The following ADGRL3 variants were observed in gnomAD, a reference collection of about 807,000 sequenced individuals.
ADGRL3 encodes the protein calcium-independent alpha-latrotoxin receptor 3.
A neutral mutation model predicts 153.5 loss-of-function variants in ADGRL3; 62 were observed. That is an observed-to-expected ratio of 0.40 (90% confidence interval 0.33 to 0.50). The LOEUF is 0.50. Ranked by LOEUF, ADGRL3 falls within the 20% of genes least tolerant of loss-of-function variation. The probability of loss-of-function intolerance (pLI) is 0.47; values close to 1 mark genes in which losing one functional copy is unlikely to be tolerated. For synonymous variants in ADGRL3, 710 were observed against 672.5 expected (o/e 1.06, Z -0.86); for missense variants, 1,641 against 1,859.4 (o/e 0.88, Z 2.16).
At chr4:61,412,323 A>G (rs1033901523) in intron 2 of ADGRL3, among the ~76,000 whole-genome samples, 7 of 152,124 alleles carry the variant, frequency 4.6e-5, no homozygotes, top group African/African-American at 1.7e-4. Context: ...CCTGAGCTCA[A>G]GCAATCCTAT....
At chr4:61,496,953 A>T (rs2098326598) in intron 2 of ADGRL3, among the ~76,000 whole-genome samples, 168 bp from the exon 3 acceptor site, 1 of 152,244 alleles carries the variant, frequency 6.6e-6, no homozygotes, top group East Asian at 1.9e-4. Flanking sequence ...AAAAAAAAAA[A>T]AAATCAGTAT....
intron 2 of ADGRL3, among the ~76,000 whole-genome samples, chr4:61,411,664 G>GA (rs2097089735): frequency 6.6e-6 from 1 of 151,298 alleles, no homozygotes; most frequent in Non-Finnish European, 1.5e-5. Flanking sequence ...TCTTTTGTCA[G>GA]AAAAATTACC....
At chr4:61,522,103 G>T (rs1013243328) in intron 4 of ADGRL3, among the ~76,000 whole-genome samples, 1 of 152,228 alleles carries the variant, frequency 6.6e-6, no homozygotes, top group Non-Finnish European at 1.5e-5. Flanking sequence ...ATATAGTGGA[G>T]CCAAGATTGG....
chr4:61,745,522 T>G (rs1189159053), intron 8 of ADGRL3, among the ~76,000 whole-genome samples: 1 of 152,098 alleles, frequency 6.6e-6, no homozygotes, highest in Non-Finnish European at 1.5e-5. Flanking sequence ...CGGCAGAAAC[T>G]CTACAAGCCA....
intron 2 of ADGRL3, among the ~76,000 whole-genome samples, chr4:61,464,707 G>A (rs983765699): frequency 1.2e-4 from 18 of 152,082 alleles, no homozygotes; most frequent in African/African-American, 4.3e-4. Context: ...AACTGATATG[G>A]AAGATATTCT....
intron 6 of ADGRL3, among the ~76,000 whole-genome samples, chr4:61,690,195 A>G (rs2151111593): frequency 6.6e-6 from 1 of 152,274 alleles, no homozygotes; most frequent in South Asian, 2.1e-4. Context: ...CTATAATACC[A>G]GCACTTTGGA....
intron 1 of ADGRL3, among the ~76,000 whole-genome samples, chr4:61,214,791 A>C (rs557255962): frequency 9.2e-5 from 14 of 152,304 alleles, no homozygotes; most frequent in African/African-American, 3.4e-4. Flanking sequence ...TTAAAAAATT[A>C]AGCAGGCATT....
At chr4:61,281,633 C>T (rs1221129317) in intron 1 of ADGRL3, among the ~76,000 whole-genome samples, 2 of 152,014 alleles carry the variant, frequency 1.3e-5, no homozygotes, top group Admixed American at 1.3e-4. Flanking sequence ...TTCTAGATGC[C>T]TTATCGCCAT....
intron 5 of ADGRL3, among the ~76,000 whole-genome samples, chr4:61,591,839 G>A (rs2098970692): frequency 6.6e-6 from 1 of 151,922 alleles, no homozygotes; most frequent in South Asian, 2.1e-4. Context: ...CCCTTTGGGA[G>A]GCCGAGGCAG....
At chr4:61,982,662 C>CAA (rs2099072475) in intron 18 of ADGRL3, among the ~76,000 whole-genome samples, 1 of 152,058 alleles carries the variant, frequency 6.6e-6, no homozygotes, top group Non-Finnish European at 1.5e-5. Context: ...AGAAAATATA[C>CAA]AAAAATAAGA....
At chr4:61,523,058 C>CGT (rs3075120) in intron 4 of ADGRL3, among the ~76,000 whole-genome samples, 113,596 of 150,494 alleles carry the variant, frequency 0.75, 43,272 homozygotes, top group African/African-American at 0.86. Context: ...GAAAATTGTG[C>CGT]GTGTGTGTGT....
chr4:62,022,180 A>G (rs2099241270), intron 21 of ADGRL3, among the ~76,000 whole-genome samples: 2 of 152,214 alleles, frequency 1.3e-5, no homozygotes, highest in South Asian at 4.1e-4. Flanking sequence ...CAAAAGTTTT[A>G]GTGGTCTTGT....
At chr4:61,385,796 G>T (rs1444866688) in intron 2 of ADGRL3, 2 of 152,076 alleles carry the variant, frequency 1.3e-5, no homozygotes, top group Non-Finnish European at 2.9e-5. Flanking sequence ...ATTCAACTTT[G>T]TAAAAGAATG....
At chr4:61,889,754 A>T (rs577833126) in intron 9 of ADGRL3, among the ~76,000 whole-genome samples, 1 of 152,266 alleles carries the variant, frequency 6.6e-6, no homozygotes, top group East Asian at 1.9e-4. Context: ...AGCAAGCAAA[A>T]ATCTTGTGGT....
At chr4:61,589,317 T>C (rs1399248512) in intron 5 of ADGRL3, among the ~76,000 whole-genome samples, 2 of 152,088 alleles carry the variant, frequency 1.3e-5, no homozygotes, top group Admixed American at 1.3e-4. Flanking sequence ...CCAAAGTAAA[T>C]GTTTTTGACT....
intron 6 of ADGRL3, among the ~76,000 whole-genome samples, chr4:61,702,100 G>T (rs377441447): frequency 6.6e-6 from 1 of 152,168 alleles, no homozygotes; most frequent in African/African-American, 2.4e-5. Context: ...CAGACTGACT[G>T]AAGGGGATTT....
At chr4:61,784,910 T>C (rs2097260003) in intron 8 of ADGRL3, among the ~76,000 whole-genome samples, 1 of 152,176 alleles carries the variant, frequency 6.6e-6, no homozygotes, top group African/African-American at 2.4e-5. Context: ...TACTGAGCCT[T>C]TCTCAGCCTC....
chr4:61,547,172 G>A (rs895354044), intron 4 of ADGRL3, among the ~76,000 whole-genome samples: 3 of 151,896 alleles, frequency 2.0e-5, no homozygotes, highest in Admixed American at 6.6e-5. Flanking sequence ...ATACATACAT[G>A]TGTCTTTCTA....
intron 8 of ADGRL3, among the ~76,000 whole-genome samples, chr4:61,771,772 C>A (rs986421401): frequency 7.7e-5 from 8 of 103,596 alleles, no homozygotes; most frequent in Non-Finnish European, 1.2e-4. Context: ...GACTCAAAAT[C>A]AAAATCAATA....
Sources: gnomAD v4.1 joint callset for allele counts (sites outside exome capture counted in the v4.1 genomes callset) on GRCh38, gnomAD v4.1.1 for gene constraint, MANE v1.5 for transcripts, NCBI Gene and HGNC (gene_info 2026-07-23, HGNC 2026-07-21) for gene names.